SNAPC1: variants seen among roughly 807,000 people sequenced by gnomAD.
The protein encoded by SNAPC1 is snRNA-activating protein complex subunit 1.
Under a neutral mutation model 50.1 loss-of-function variants are expected in SNAPC1, and 42 were observed. The ratio of observed to expected loss-of-function variants is 0.84; its 90% CI spans 0.65 to 1.08. The LOEUF (loss-of-function observed/expected upper bound fraction) is 1.08, where lower values mean the gene tolerates loss of function less well. Ranked by LOEUF, SNAPC1 falls within the 50% of genes least tolerant of loss-of-function variation. The pLI, the probability that SNAPC1 is intolerant of heterozygous loss-of-function variation, is 0.00. For missense variants in SNAPC1, 477 were observed against 427.3 expected (o/e 1.12, Z -1.02); for synonymous variants, 164 against 144.2 (o/e 1.14, Z -0.98).
intron 4 of SNAPC1, among the ~76,000 whole-genome samples, chr14:61,774,652 T>C (rs10140589): frequency 0.032 from 2,030 of 64,310 alleles, 43 homozygotes; most frequent in South Asian, 0.079. Context: ...TTTCTCATTT[T>C]TTTTTTTTTT....
At chr14:61,773,459 A>G (rs1033245033) in intron 4 of SNAPC1, among the ~76,000 whole-genome samples, 1 of 127,414 alleles carries the variant, frequency 7.8e-6, no homozygotes, top group Admixed American at 1.0e-4. Context: ...CTGGAGTGCG[A>G]TCTTGGCTCA....
At chr14:61,769,410 T>TTTC (rs1204005141) in intron 4 of SNAPC1, among the ~76,000 whole-genome samples, 2 of 116,880 alleles carry the variant, frequency 1.7e-5, no homozygotes, top group African/African-American at 5.4e-5. Context: ...TTTTTTTTTT[T>TTTC]TTTCTCACAC....
intron 1 of SNAPC1, 68 bp from the exon 2 acceptor site, chr14:61,766,808 T>C: frequency 1.2e-6 from 1 of 867,440 alleles, no homozygotes; most frequent in African/African-American, 1.7e-5. Flanking sequence ...AACAAGTATA[T>C]ACTTTTGGCT....
intron 8 of SNAPC1, among the ~76,000 whole-genome samples, chr14:61,789,192 C>A (rs1399009673): frequency 2.0e-5 from 3 of 150,188 alleles, no homozygotes; most frequent in African/African-American, 7.4e-5. Context: ...GATAGCGCCA[C>A]CGCTCTTCAG....
Position 61,768,688 on chromosome 14 carries a change from T to C in SNAPC1, c.482T>C (p.Phe161Ser). Residue 161 changes from phenylalanine to serine, a missense_variant, in exon 4 of 10, where the codon TTT (phenylalanine) becomes TCT (serine). By Grantham distance (155) the Phe-to-Ser change is radical. Coordinates refer to ENST00000216294, the MANE Select transcript of SNAPC1 (RefSeq NM_003082.4). The stretch of plus-strand genomic sequence containing the variant: ...CACCGAGCTGAAGTTACAGAAGAAT[T>C]TAAGGACCCAAGTGATCGTGTGATG... ...KIHRAEVTEE[F>S]KDPSDRVMKL... 1 of 1,612,532 alleles carries C rather than the reference T, an allele frequency of 6.2e-7. No individual in the cohort carries two copies. Among genetic ancestry groups the C allele is most frequent in the African/African-American group, 1.3e-5 (1 of 75,022 alleles).
In SNAPC1 at chr14:61,768,561, C is replaced by A; in HGVS notation, c.430-75C>A. ...GTTTACTTATAGACAATTTTTAGTG[C>A]TGGCTTATATTTCAATACTTTTAAC... is the stretch of plus-strand genomic sequence containing the variant. On this transcript the variant is annotated intron_variant, in intron 3 of 9. Transcript: ENST00000216294. The A allele has an allele frequency of 5.0e-6, 4 of 794,376 alleles. No individual in the cohort carries two copies. In the South Asian group the frequency reaches 5.1e-5, roughly 10 times the overall value. 49.2% of individuals were successfully genotyped at this position (794,376 alleles called of 1,614,324 possible).
At chr14:61,782,753 T>G (rs747562198) in intron 8 of SNAPC1, among the ~76,000 whole-genome samples, 2 of 151,714 alleles carry the variant, frequency 1.3e-5, no homozygotes, top group African/African-American at 2.4e-5. Context: ...CTACTAAAAA[T>G]ATAAAAGTCG....
chr14:61,776,667 A>G (rs2045037331), intron 5 of SNAPC1, among the ~76,000 whole-genome samples: 1 of 152,202 alleles, frequency 6.6e-6, no homozygotes, highest in Non-Finnish European at 1.5e-5. Flanking sequence ...AACTTCACCT[A>G]AAATTCTAGA....
chr14:61,786,003 C>T (rs1194003136), intron 8 of SNAPC1, among the ~76,000 whole-genome samples: 1 of 152,128 alleles, frequency 6.6e-6, no homozygotes, highest in Admixed American at 6.5e-5. Flanking sequence ...AATTCCCAGG[C>T]TTCTCTGGAA....
intron 8 of SNAPC1, among the ~76,000 whole-genome samples, chr14:61,792,130 T>C (rs2045156504): frequency 6.7e-6 from 1 of 149,962 alleles, no homozygotes; most frequent in Non-Finnish European, 1.5e-5. Flanking sequence ...AAGCAAGATA[T>C]AACATATCAA....
chr14:61,762,442 C>G lies in SNAPC1; in HGVS notation c.-19C>G. The G allele has an allele frequency of 6.2e-7, 1 of 1,610,274 alleles. No homozygotes were observed. On this transcript the variant is annotated 5_prime_UTR_variant, in exon 1 of 10. Coordinates refer to ENST00000216294, the MANE Select transcript of SNAPC1 (RefSeq NM_003082.4). The stretch of plus-strand genomic sequence containing the variant: ...GTTAGAGGCGTGCGGGCTTCGGAGG[C>G]GTGCGGGCTTCGGGTGCCATGGGGA...
At chr14:61,781,450 C>CAAA (rs769588943) in intron 7 of SNAPC1, among the ~76,000 whole-genome samples, 45 of 63,600 alleles carry the variant, frequency 7.1e-4, no homozygotes, top group Non-Finnish European at 1.1e-3. Context: ...ACTCCATCTC[C>CAAA]AAAAAAAAAA....
intron 5 of SNAPC1, among the ~76,000 whole-genome samples, chr14:61,777,610 AAT>A (rs140188279): frequency 0.16 from 22,461 of 144,880 alleles, 1,980 homozygotes; most frequent in South Asian, 0.32. Context: ...GTTTAGTTTT[AAT>A]TTTTTTTTTT....
In SNAPC1 at chr14:61,782,273, A is replaced by G. The variant is rs368965360; in HGVS notation, c.852A>G (p.Gln284=). ...IQASKSRRHR[Q]VKLDSSDSDS... ...CATCCAAATCAAGAAGGCATCGTCA[A>G]GTCAAACTCGACTCTTCTGACTCTG... Residue 284 remains glutamine (Q), a synonymous_variant, in exon 8 of 10, where the codon CAA becomes CAG. Transcript: ENST00000216294. 9.3e-6 allele frequency: 15 copies of G among 1,606,020 alleles called. No homozygotes were observed. The African/African-American group carries it at 2.0e-4, about 22-fold the overall frequency.
At position 61,762,447 on chromosome 14, in the gene SNAPC1, G is replaced by GGGCTTCGGAGGCGTGCA; in HGVS notation, c.-6_-5insAGGCGTGCAGGCTTCGG. ...AGGCGTGCGGGCTTCGGAGGCGTGC[G>GGGCTTCGGAGGCGTGCA]GGCTTCGGGTGCCATGGGGACTCCT... On this transcript the variant is annotated 5_prime_UTR_variant, in exon 1 of 10. Transcript: ENST00000216294. 1.2e-6 allele frequency: 2 copies of GGGCTTCGGAGGCGTGCA among 1,611,256 alleles called. No individual in the cohort carries two copies. The highest frequency in any genetic ancestry group is 1.3e-5 in the African/African-American group (1 of 75,050).
chr14:61,788,582 G>A (rs1031070727), intron 8 of SNAPC1, among the ~76,000 whole-genome samples: 1 of 151,988 alleles, frequency 6.6e-6, no homozygotes, highest in African/African-American at 2.4e-5. Flanking sequence ...GTGCATATAG[G>A]AAATAATTGA....
intron 8 of SNAPC1, among the ~76,000 whole-genome samples, chr14:61,785,039 G>T (rs1310228033): frequency 6.6e-6 from 1 of 152,132 alleles, no homozygotes; most frequent in Non-Finnish European, 1.5e-5. Context: ...GGTGACCAAG[G>T]CAAAATTATA....
At chr14:61,784,096 T>C (rs910796652) in intron 8 of SNAPC1, among the ~76,000 whole-genome samples, 1 of 148,420 alleles carries the variant, frequency 6.7e-6, no homozygotes, top group Non-Finnish European at 1.5e-5. Context: ...GTCCCAGATA[T>C]GATTAAGTCG....
At chr14:61,772,735 A>G (rs1372021380) in intron 4 of SNAPC1, among the ~76,000 whole-genome samples, 1 of 152,196 alleles carries the variant, frequency 6.6e-6, no homozygotes, top group Non-Finnish European at 1.5e-5. Context: ...GTAGAATGTA[A>G]ATATTTTTTC....
Sources: gnomAD v4.1 joint callset for allele counts (sites outside exome capture counted in the v4.1 genomes callset) on GRCh38, gnomAD v4.1.1 for gene constraint, MANE v1.5 for transcripts, NCBI Gene and HGNC (gene_info 2026-07-23, HGNC 2026-07-21) for gene names.